AFF1: variants seen among roughly 807,000 people sequenced by gnomAD.
AFF1 encodes the protein ALF transcription elongation factor 1.
A neutral mutation model predicts 121.7 loss-of-function variants in AFF1; 48 were observed. That is an observed-to-expected ratio of 0.39 (90% CI 0.31 to 0.50). The LOEUF (loss-of-function observed/expected upper bound fraction) is 0.50, where lower values mean the gene tolerates loss of function less well. Among genes scored for constraint, AFF1 ranks in the 20% least tolerant of loss-of-function variants. The pLI is 0.76. For missense variants in AFF1, 1,523 were observed against 1,511.7 expected, an observed-to-expected ratio of 1.01 and a Z score of -0.12; for synonymous variants, 613 against 563.0, an observed-to-expected ratio of 1.09 and a Z score of -1.26.
intron 2 of AFF1, among the ~76,000 whole-genome samples, chr4:87,027,202 C>T (rs960640017): frequency 6.6e-6 from 1 of 152,216 alleles, no homozygotes; most frequent in Admixed American, 6.5e-5. Context: ...CTGAAACTTA[C>T]TTCTACAAAT....
chr4:87,098,811 G>A (rs1212057417), intron 8 of AFF1, among the ~76,000 whole-genome samples: 5 of 152,206 alleles, frequency 3.3e-5, no homozygotes, highest in Non-Finnish European at 7.3e-5. Flanking sequence ...ATATCTGGAT[G>A]TGAAGGCTGA....
intron 2 of AFF1, among the ~76,000 whole-genome samples, chr4:87,002,807 C>T (rs1725829339): frequency 4.6e-5 from 7 of 152,112 alleles, no homozygotes; most frequent in Admixed American, 2.0e-4. Context: ...CTGAAATCTG[C>T]GGAGCCTCAC....
intron 12 of AFF1, among the ~76,000 whole-genome samples, chr4:87,124,780 T>C (rs912749847): frequency 2.6e-5 from 4 of 152,236 alleles, no homozygotes; most frequent in Admixed American, 1.3e-4. Flanking sequence ...CTTCGTTTTC[T>C]TGCATGGGAG....
chr4:86,996,016 TGAG>T (rs1725151447), intron 2 of AFF1, among the ~76,000 whole-genome samples: 1 of 147,558 alleles, frequency 6.8e-6, no homozygotes, highest in African/African-American at 2.5e-5. Context: ...GTCTGAGAAG[TGAG>T]GAGCCCCTCC....
At chr4:87,105,758 T>C (rs1459580722) in intron 9 of AFF1, 50 bp from the exon 10 acceptor site, 2 of 1,613,770 alleles carry the variant, frequency 1.2e-6, no homozygotes, top group African/African-American at 1.3e-5. Context: ...TGTTCTAACC[T>C]GTTTTTTGTT....
chr4:87,020,945 G>A (rs1454377438), intron 2 of AFF1: 3 of 705,204 alleles, frequency 4.3e-6, no homozygotes, highest in Non-Finnish European at 5.2e-6. Context: ...TTCTGCATGC[G>A]GATTTTATTT....
At chr4:87,015,120 G>T (rs1727168877) in intron 2 of AFF1, among the ~76,000 whole-genome samples, 1 of 152,176 alleles carries the variant, frequency 6.6e-6, no homozygotes, top group South Asian at 2.1e-4. Flanking sequence ...TTGCTGAAAG[G>T]ATAGTCATTG....
At chr4:87,094,510 C>T (rs571660177) in intron 7 of AFF1, among the ~76,000 whole-genome samples, 1 of 152,174 alleles carries the variant, frequency 6.6e-6, no homozygotes, top group South Asian at 2.1e-4. Flanking sequence ...ATGGAGAGCA[C>T]CTAGGACAGA....
intron 12 of AFF1, among the ~76,000 whole-genome samples, chr4:87,119,182 T>C (rs1036784742): frequency 6.6e-6 from 1 of 152,284 alleles, no homozygotes; most frequent in Middle Eastern, 3.4e-3. Flanking sequence ...TCAGAATTCT[T>C]AAACCAAGCT....
At chr4:87,000,576 A>G (rs937703455) in intron 2 of AFF1, among the ~76,000 whole-genome samples, 2 of 151,756 alleles carry the variant, frequency 1.3e-5, no homozygotes, top group South Asian at 2.1e-4. Context: ...AAGTTATTCT[A>G]AAATAAAACA....
At chr4:86,973,985 C>T (rs770188819) in intron 2 of AFF1, 11 of 152,128 alleles carry the variant, frequency 7.2e-5, no homozygotes, top group East Asian at 1.9e-4. Flanking sequence ...ATGTGATAAA[C>T]GCTCTAGCAG....
At chr4:87,109,489 CTCTT>C (rs1473492480) in intron 11 of AFF1, among the ~76,000 whole-genome samples, 1 of 152,138 alleles carries the variant, frequency 6.6e-6, no homozygotes, top group South Asian at 2.1e-4. Flanking sequence ...GTTTCTGGGG[CTCTT>C]TGTTTCCTTA....
At position 86,968,393 on chromosome 4, in the gene AFF1, T is replaced by A. The variant is rs923283478; in HGVS notation, c.38+19822T>A. ...AAATGGTTATGTCTTCTTAGTGATT[T>A]GCCTGCTTTTTGTCTCCCTGGATTT... On this transcript the variant is annotated intron_variant, in intron 2 of 20. Transcript: ENST00000395146. Among the ~76,000 whole-genome samples the A allele has an allele frequency of 2.6e-5, 4 of 152,210 alleles. No individual in the cohort carries two copies. The South Asian group carries it at 8.3e-4, about 32-fold the overall frequency.
chr4:87,016,450 C>T (rs1471881380), intron 2 of AFF1, among the ~76,000 whole-genome samples: 1 of 151,266 alleles, frequency 6.6e-6, no homozygotes, highest in Non-Finnish European at 1.5e-5. Context: ...ACTCGGGAGA[C>T]TGAGGCAGGA....
chr4:86,978,102 CAAAG>C (rs1303059357), intron 2 of AFF1, among the ~76,000 whole-genome samples: 8 of 146,152 alleles, frequency 5.5e-5, no homozygotes, highest in Non-Finnish European at 1.5e-5. Flanking sequence ...TTATTTCAAT[CAAAG>C]AATGTTAGAA....
chr4:86,975,275 G>C (rs919828307), intron 2 of AFF1, among the ~76,000 whole-genome samples: 1 of 151,882 alleles, frequency 6.6e-6, no homozygotes, highest in Non-Finnish European at 1.5e-5. Context: ...TTTTGAGATA[G>C]CGTCTCACTC....
intron 2 of AFF1, among the ~76,000 whole-genome samples, chr4:87,004,124 C>T (rs969601447): frequency 2.0e-5 from 3 of 152,194 alleles, no homozygotes; most frequent in Non-Finnish European, 4.4e-5. Flanking sequence ...GATCTGGAGT[C>T]TGTTTTTAAC....
At chr4:87,010,040 TCCC>T (rs1726579574) in intron 2 of AFF1, among the ~76,000 whole-genome samples, 4 of 152,216 alleles carry the variant, frequency 2.6e-5, no homozygotes, top group Admixed American at 2.6e-4. Context: ...GGCGGTGTAT[TCCC>T]ATCCCTGTAG....
intron 4 of AFF1, among the ~76,000 whole-genome samples, chr4:87,064,489 C>T (rs973734937): frequency 6.6e-6 from 1 of 152,192 alleles, no homozygotes; most frequent in Non-Finnish European, 1.5e-5. Flanking sequence ...CGCCTGTAAT[C>T]CCAACACTTT....
Sources: gnomAD v4.1 joint callset for allele counts (sites outside exome capture counted in the v4.1 genomes callset) on GRCh38, gnomAD v4.1.1 for gene constraint, MANE v1.5 for transcripts, NCBI Gene and HGNC (gene_info 2026-07-23, HGNC 2026-07-21) for gene names.